The following RAB1B variants were observed in gnomAD, a reference collection of about 807,000 sequenced individuals.
The protein encoded by RAB1B is RAB1B, member RAS oncogene family.
Under a neutral mutation model 24.8 loss-of-function variants are expected in RAB1B, and 10 were observed. The observed-to-expected ratio is 0.40, with a 90% CI of 0.25 to 0.68. RAB1B has a LOEUF of 0.68. RAB1B is among the 30% of genes least tolerant of loss of function. The pLI is 0.37. For synonymous variants in RAB1B, 99 were observed against 111.7 expected (o/e 0.89, Z 0.72); for missense variants, 154 against 271.2 (o/e 0.57, Z 3.04).
At chr11:66,272,558 G>A in intron 4 of RAB1B, 98 bp downstream of exon 4, 1 of 802,818 alleles carries the variant, frequency 1.2e-6, no homozygotes, top group Middle Eastern at 2.4e-4. Context: ...GATGCTTCCT[G>A]GAAAGGACAC....
In RAB1B at chr11:66,271,671, T is replaced by A. The variant is rs1857060119; in HGVS notation, c.15-126T>A. On this transcript the variant is annotated intron_variant, in intron 1 of 5. Coordinates refer to ENST00000311481, the MANE Select transcript of RAB1B (RefSeq NM_030981.3). ...GGGTGACAGAGTGAGACCTTATTGCTAAAAAAAAAATAAAAATAAACCAAG... is the reference window on the plus strand; with the variant it reads ...GGGTGACAGAGTGAGACCTTATTGCAAAAAAAAAAATAAAAATAAACCAAG... 3 of 569,486 alleles carry A rather than the reference T, an allele frequency of 5.3e-6. No individual in the cohort carries two copies. In the East Asian group the frequency reaches 9.7e-5, roughly 18 times the overall value. 35.3% of individuals were successfully genotyped at this position (569,486 alleles called of 1,614,324 possible). A position where few individuals can be genotyped will look rare whatever the true frequency, so the allele number is the denominator to read the frequency against.
intron 1 of RAB1B, 145 bp downstream of exon 1, chr11:66,268,838 G>A: frequency 1.3e-6 from 1 of 742,614 alleles, no homozygotes; most frequent in Non-Finnish European, 1.8e-6. Context: ...CCCCACATCC[G>A]GGTTCTGCCC....
intron 4 of RAB1B, 188 bp downstream of exon 4, chr11:66,272,648 A>G (rs1248044269): frequency 1.8e-5 from 8 of 450,460 alleles, no homozygotes; most frequent in East Asian, 1.1e-4. Context: ...ACAAGGAGGG[A>G]AACAGCCACA....
intron 2 of RAB1B, 126 bp from the exon 3 acceptor site, chr11:66,272,031 G>C (rs1857068494): frequency 1.0e-6 from 1 of 960,708 alleles, no homozygotes; most frequent in Non-Finnish European, 1.7e-6. Context: ...GGGCTGGCCA[G>C]CTGAGTGCTG....
At chr11:66,274,851 C>T (rs564322163) in intron 4 of RAB1B, among the ~76,000 whole-genome samples, 1 of 151,476 alleles carries the variant, frequency 6.6e-6, no homozygotes, top group Non-Finnish European at 1.5e-5. Context: ...CACCATGCCC[C>T]TCCCGTTCAG....
chr11:66,272,535 T>G, intron 4 of RAB1B, 75 bp downstream of exon 4: 1 of 948,488 alleles, frequency 1.1e-6, no homozygotes, highest in Non-Finnish European at 1.6e-6. Context: ...CCTCCTTCCA[T>G]CCTCTCTTTC....
chr11:66,276,446 G>T lies in RAB1B; in HGVS notation c.*208G>T. ...CCCTAAGGGAGGACACTCAGGGCCT[G>T]TGGCCAGGCAGGGCGGAGGCCTGCT... On this transcript the variant is annotated 3_prime_UTR_variant, in exon 6 of 6. Coordinates refer to ENST00000311481, the MANE Select transcript of RAB1B (RefSeq NM_030981.3). The T allele has an allele frequency of 1.8e-6, 1 of 558,728 alleles. No homozygotes were observed. The highest frequency in any genetic ancestry group is 3.2e-5 in the East Asian group (1 of 30,802). The allele number at this position is 558,728 out of a possible 1,614,324, so 34.6% of individuals were successfully genotyped here.
chr11:66,271,983 T>A, intron 2 of RAB1B, 114 bp downstream of exon 2: 1 of 987,156 alleles, frequency 1.0e-6, no homozygotes, highest in South Asian at 1.3e-5. Context: ...GGTGAAGCTG[T>A]AAGACCTGCC....
At position 66,274,742 on chromosome 11, in the gene RAB1B, C is replaced by A. The variant is rs534467059; in HGVS notation, c.280-1062C>A. On this transcript the variant is annotated intron_variant, in intron 4 of 5. Coordinates refer to ENST00000311481, the MANE Select transcript of RAB1B (RefSeq NM_030981.3). ...CCCCTCTTCCCCCTCTCCCCTCTTG[C>A]CTTTCTCCTCCCCACTCCCCCATTC... is the stretch of plus-strand genomic sequence containing the variant. Among the ~76,000 whole-genome samples the A allele has an allele frequency of 2.5e-3, 323 of 131,414 alleles. 1 individual carries two copies. Among genetic ancestry groups the A allele is most frequent in the Non-Finnish European group, 3.8e-3 (233 of 61,776 alleles). The allele number at this position is 131,414 out of a possible 152,430, so 86.2% of individuals were successfully genotyped here.
At chr11:66,271,736 C>T in intron 1 of RAB1B, 61 bp from the exon 2 acceptor site, 1 of 1,192,156 alleles carries the variant, frequency 8.4e-7, no homozygotes, top group Admixed American at 1.7e-5. Context: ...AATTGTGACT[C>T]CAGGATGATG....
At chr11:66,275,538 G>A (rs1388308033) in intron 4 of RAB1B, among the ~76,000 whole-genome samples, 1 of 152,170 alleles carries the variant, frequency 6.6e-6, no homozygotes, top group African/African-American at 2.4e-5. Flanking sequence ...GCTGCAGGGA[G>A]CAGAGCTGGC....
rs563191090 is a variant in RAB1B at position 66,276,469 on chromosome 11, G to C, written c.*231G>C. ...CTGTGGCCAGGCAGGGCGGAGGCCT[G>C]CTGTGCTGTTGCCTCTAGGTGACTT... On this transcript the variant is annotated 3_prime_UTR_variant, in exon 6 of 6. Coordinates refer to ENST00000311481, the MANE Select transcript of RAB1B (RefSeq NM_030981.3). The C allele has an allele frequency of 3.4e-5, 18 of 521,852 alleles. No homozygotes were observed. In the African/African-American group the frequency reaches 3.6e-4, roughly 10 times the overall value. 32.3% of individuals were successfully genotyped at this position (521,852 alleles called of 1,614,324 possible).
intron 1 of RAB1B, 128 bp downstream of exon 1, chr11:66,268,821 G>GTCCCC: frequency 2.0e-6 from 1 of 502,138 alleles, no homozygotes; most frequent in Non-Finnish European, 2.6e-6. Flanking sequence ...CTCTTCCGCT[G>GTCCCC]ACCCCCCCCC....
At chr11:66,269,490 G>A (rs990051702) in intron 1 of RAB1B, among the ~76,000 whole-genome samples, 5 of 152,170 alleles carry the variant, frequency 3.3e-5, no homozygotes, top group Non-Finnish European at 5.9e-5. Context: ...TCATGCCCAG[G>A]ACTAATAGTT....
chr11:66,273,230 G>A (rs548610490), intron 4 of RAB1B, among the ~76,000 whole-genome samples: 1 of 152,336 alleles, frequency 6.6e-6, no homozygotes, highest in East Asian at 1.9e-4. Flanking sequence ...AAGATAAGGA[G>A]AAGCTTAAAT....
At position 66,276,296 on chromosome 11, in the gene RAB1B, G is replaced by A; in HGVS notation, c.*58G>A. ...CCTTCTCCAGATGATGTCCCTGGAG[G>A]GGGCAGGAGGTACCTCCCTCTCCCT... On this transcript the variant is annotated 3_prime_UTR_variant, in exon 6 of 6. Coordinates refer to ENST00000311481, the MANE Select transcript of RAB1B (RefSeq NM_030981.3). 2 of 1,453,936 alleles carry A rather than the reference G, an allele frequency of 1.4e-6. No homozygotes were observed. The highest frequency in any genetic ancestry group is 1.8e-6 in the Non-Finnish European group (2 of 1,094,218). 90.1% of individuals were successfully genotyped at this position (1,453,936 alleles called of 1,614,324 possible). A position where few individuals can be genotyped will look rare whatever the true frequency, so the allele number is the denominator to read the frequency against.
At chr11:66,275,135 G>A (rs1182991479) in intron 4 of RAB1B, among the ~76,000 whole-genome samples, 1 of 152,208 alleles carries the variant, frequency 6.6e-6, no homozygotes, top group African/African-American at 2.4e-5. Context: ...AGAGGTCTAA[G>A]TTTGAGCCAG....
At chr11:66,270,495 T>G (rs1395043816) in intron 1 of RAB1B, 1 of 152,250 alleles carries the variant, frequency 6.6e-6, no homozygotes, top group Non-Finnish European at 1.5e-5. Context: ...GGAGAATCAC[T>G]TGAACCAGGG....
At position 66,272,201 on chromosome 11, in the gene RAB1B, C is replaced by G; in HGVS notation, c.132C>G (p.Asp44Glu). 6.2e-7 allele frequency: 1 copy of G among 1,613,978 alleles called. No individual in the cohort carries two copies. Among genetic ancestry groups the G allele is most frequent in the South Asian group, 1.1e-5 (1 of 91,074 alleles). ...GCTACATCAGCACCATCGGGGTGGA[C>G]TTCAAGATCCGAACCATCGAGCTGG... ...TESYISTIGV[D>E]FKIRTIELDG... Residue 44 changes from aspartate (D) to glutamate (E), a missense_variant, in exon 3 of 6, where the codon GAC becomes GAG. Asp to Glu is a conservative substitution (Grantham distance 45, BLOSUM62 2). This residue lies in a region of RAB1B where 77 missense variants were observed against 173.4 expected (regional missense o/e 0.44). Coordinates refer to ENST00000311481, the MANE Select transcript of RAB1B (RefSeq NM_030981.3).
Sources: allele counts gnomAD v4.1 joint callset (sites outside exome capture counted in the v4.1 genomes callset), GRCh38; gene constraint gnomAD v4.1.1; regional missense constraint gnomAD v4.1.1; transcripts MANE v1.5; gene names NCBI Gene and HGNC (gene_info 2026-07-23, HGNC 2026-07-21).